The following CPNE4 variants were observed in gnomAD, a reference collection of about 807,000 sequenced individuals.
CPNE4 encodes copine-4.
In CPNE4, 25 loss-of-function variants were observed where a neutral mutation model predicts 67.9. The observed-to-expected ratio is 0.37, with a 90% CI of 0.27 to 0.51. The LOEUF is 0.51. Among genes scored for constraint, CPNE4 ranks in the 20% least tolerant of loss-of-function variants. The pLI, the probability that CPNE4 is intolerant of heterozygous loss-of-function variation, is 0.93. For missense variants in CPNE4, 464 were observed against 690.8 expected (o/e 0.67, Z 3.68); for synonymous variants, 242 against 244.9 (o/e 0.99, Z 0.11).
chr3:131,999,688 A>C (rs563205086), intron 1 of CPNE4, among the ~76,000 whole-genome samples: 1 of 152,188 alleles, frequency 6.6e-6, no homozygotes, highest in African/African-American at 2.4e-5. Context: ...TGATAAAGCA[A>C]TTGATTTAAA....
chr3:131,612,634 A>G (rs1253071127), intron 7 of CPNE4, among the ~76,000 whole-genome samples: 1 of 152,128 alleles, frequency 6.6e-6, no homozygotes, highest in Non-Finnish European at 1.5e-5. Context: ...ATTATCATTC[A>G]TCCCCCGATT....
At chr3:131,850,600 G>T (rs376141280) in intron 2 of CPNE4, among the ~76,000 whole-genome samples, 1 of 152,094 alleles carries the variant, frequency 6.6e-6, no homozygotes, top group East Asian at 1.9e-4. Flanking sequence ...AGCCATTTAG[G>T]TATGTAACTA....
intron 7 of CPNE4, among the ~76,000 whole-genome samples, chr3:131,665,702 GAGAAAA>G (rs775649779): frequency 1.4e-5 from 2 of 138,570 alleles, no homozygotes; most frequent in African/African-American, 5.3e-5. Context: ...AGAAAGAAAA[GAGAAAA>G]AGAAAAAAAG....
In CPNE4 at chr3:131,827,760, A is replaced by G. The variant is rs561644103; in HGVS notation, c.180+77504T>C. Among the ~76,000 whole-genome samples, 6 of 152,170 alleles carry G rather than the reference A, an allele frequency of 3.9e-5. 1 individual carries two copies. Among genetic ancestry groups the G allele is most frequent in the African/African-American group, 1.4e-4 (6 of 41,436 alleles). Reference sequence around the variant, plus strand: ...TGAATTTGTAATAGAAACAAATGAAAAACTAATAAGAAAAAAATGAGAGAA... The same window carrying G: ...TGAATTTGTAATAGAAACAAATGAAGAACTAATAAGAAAAAAATGAGAGAA... On this transcript the variant is annotated intron_variant, in intron 2 of 15. Coordinates refer to ENST00000429747, the MANE Select transcript of CPNE4 (RefSeq NM_130808.3).
chr3:131,919,555 A>G (rs891857461), intron 1 of CPNE4, among the ~76,000 whole-genome samples: 5 of 152,196 alleles, frequency 3.3e-5, no homozygotes, highest in Non-Finnish European at 7.3e-5. Flanking sequence ...GATGGGAGGG[A>G]TACAAGAAGG....
At chr3:131,911,546 TGTGTGTG>T (rs2088976461) in intron 1 of CPNE4, among the ~76,000 whole-genome samples, 1 of 13,420 alleles carries the variant, frequency 7.5e-5, no homozygotes, top group African/African-American at 2.3e-4. Context: ...CTCCAAGTTG[TGTGTGTG>T]TGTGTGTGTG....
intron 1 of CPNE4, among the ~76,000 whole-genome samples, chr3:131,990,180 C>T (rs1159070119): frequency 7.3e-6 from 1 of 136,314 alleles, no homozygotes; most frequent in African/African-American, 2.5e-5. Flanking sequence ...ATGACCACAT[C>T]TCCAAGATAG....
At chr3:131,636,542 T>C (rs2079391295) in intron 7 of CPNE4, among the ~76,000 whole-genome samples, 1 of 152,136 alleles carries the variant, frequency 6.6e-6, no homozygotes, top group Admixed American at 6.5e-5. Flanking sequence ...CCCCACCTAG[T>C]GGTCTTTCTC....
intron 2 of CPNE4, among the ~76,000 whole-genome samples, chr3:131,730,677 G>A (rs2082107025): frequency 2.6e-5 from 4 of 152,134 alleles, no homozygotes; most frequent in Non-Finnish European, 4.4e-5. Flanking sequence ...AATGCCATGT[G>A]AACACAAAGG....
At chr3:131,594,161 A>C (rs1938705198) in intron 7 of CPNE4, among the ~76,000 whole-genome samples, 1 of 152,198 alleles carries the variant, frequency 6.6e-6, no homozygotes, top group Admixed American at 6.5e-5. Flanking sequence ...TTATTATATT[A>C]AGGTACATTT....
intron 2 of CPNE4, among the ~76,000 whole-genome samples, chr3:131,879,897 A>T (rs1276467683): frequency 1.3e-5 from 2 of 152,114 alleles, no homozygotes; most frequent in Admixed American, 1.3e-4. Context: ...TCATTACCAA[A>T]GATCTACTTC....
At chr3:131,658,775 C>T (rs11706180) in intron 7 of CPNE4, among the ~76,000 whole-genome samples, 52,594 of 152,080 alleles carry the variant, frequency 0.35, 11,032 homozygotes, top group Non-Finnish European at 0.48. Flanking sequence ...TTTATGAAAG[C>T]TGATCTTCTT....
At chr3:131,973,636 A>G (rs1413391892) in intron 1 of CPNE4, among the ~76,000 whole-genome samples, 1 of 152,160 alleles carries the variant, frequency 6.6e-6, no homozygotes, top group Non-Finnish European at 1.5e-5. Context: ...AACCCAGGCA[A>G]TTTGATACCA....
chr3:131,895,258 T>C (rs952999353), intron 2 of CPNE4, among the ~76,000 whole-genome samples: 2 of 152,008 alleles, frequency 1.3e-5, no homozygotes, highest in African/African-American at 4.8e-5. Context: ...GGGTACAAAG[T>C]TGCAGTTAGA....
chr3:131,794,241 C>CTTTTTT (rs560693108), intron 2 of CPNE4, among the ~76,000 whole-genome samples: 1 of 142,034 alleles, frequency 7.0e-6, no homozygotes, highest in African/African-American at 2.6e-5. Flanking sequence ...TTGGAAACAA[C>CTTTTTT]TTTTTTTTTT....
intron 2 of CPNE4, among the ~76,000 whole-genome samples, chr3:131,782,213 A>G (rs574803499): frequency 6.6e-6 from 1 of 152,050 alleles, no homozygotes; most frequent in Non-Finnish European, 1.5e-5. Context: ...AATTTGGCCA[A>G]TTCTGAAGAT....
intron 2 of CPNE4, among the ~76,000 whole-genome samples, chr3:131,746,504 A>G (rs1341463130): frequency 3.9e-5 from 6 of 152,188 alleles, no homozygotes; most frequent in Non-Finnish European, 8.8e-5. Context: ...GATTTCACAT[A>G]TGAGTGAGAT....
intron 2 of CPNE4, among the ~76,000 whole-genome samples, chr3:131,853,282 CTA>C (rs2086307587): frequency 2.6e-5 from 4 of 151,712 alleles, no homozygotes; most frequent in African/African-American, 9.7e-5. Context: ...TGTACATTGA[CTA>C]TTTTTCAACA....
chr3:131,578,471 GC>G (rs1248567607), intron 9 of CPNE4, among the ~76,000 whole-genome samples: 1 of 152,018 alleles, frequency 6.6e-6, no homozygotes, highest in Non-Finnish European at 1.5e-5. Context: ...CCCTACAATG[GC>G]CTCTAAGTGT....
Sources: gnomAD v4.1 joint callset for allele counts (sites outside exome capture counted in the v4.1 genomes callset) on GRCh38, gnomAD v4.1.1 for gene constraint, MANE v1.5 for transcripts, NCBI Gene and HGNC (gene_info 2026-07-23, HGNC 2026-07-21) for gene names.